Variants in PATJ observed in about 807,000 individuals in gnomAD.
The protein encoded by PATJ is PATJ crumbs cell polarity complex component, also known as inaD-like protein.
In PATJ, 190 loss-of-function variants were observed where a neutral mutation model predicts 224.9. That is an observed-to-expected ratio of 0.84 (90% CI 0.75 to 0.95). PATJ has a LOEUF of 0.95. PATJ is among the 40% of genes least tolerant of loss of function. The pLI is 0.00. For synonymous variants in PATJ, 769 were observed against 820.3 expected, an observed-to-expected ratio of 0.94 and a Z score of 1.07; for missense variants, 2,121 against 2,270.3, an observed-to-expected ratio of 0.93 and a Z score of 1.34.
chr1:61,821,056 T>C (rs1460797434), intron 14 of PATJ, among the ~76,000 whole-genome samples: 1 of 151,900 alleles, frequency 6.6e-6, no homozygotes, highest in Non-Finnish European at 1.5e-5. Context: ...TTTTTTTTTT[T>C]TTGAGGCTGA....
chr1:61,822,575 A>T lies in PATJ; in HGVS notation c.1684-370A>T, dbSNP rs1657510471. 2.0e-5 allele frequency among the ~76,000 whole-genome samples: 3 copies of T among 152,300 alleles called. No homozygotes were observed. In the South Asian group the frequency reaches 6.2e-4, roughly 32 times the overall value. ...TGCCATGGTATTTAGTGTGAGTAGA[A>T]GTTAATTAGATAATAAAGAAAAGTT... On this transcript the variant is annotated intron_variant, in intron 14 of 43. Coordinates refer to ENST00000642238, the MANE Select transcript of PATJ (RefSeq NM_001350145.3).
intron 8 of PATJ, among the ~76,000 whole-genome samples, chr1:61,790,430 T>G (rs1259153441): frequency 1.3e-5 from 2 of 151,932 alleles, no homozygotes; most frequent in Non-Finnish European, 2.9e-5. Context: ...TCATAGTTAG[T>G]TCACAGTTCT....
intron 28 of PATJ, among the ~76,000 whole-genome samples, chr1:62,001,768 C>G (rs971761060): frequency 3.9e-5 from 6 of 151,900 alleles, no homozygotes; most frequent in Non-Finnish European, 8.8e-5. Flanking sequence ...TATAAATTAC[C>G]TTAGGCAGTA....
chr1:61,790,704 G>C (rs1649666506), intron 8 of PATJ, among the ~76,000 whole-genome samples: 1 of 151,796 alleles, frequency 6.6e-6, no homozygotes, highest in African/African-American at 2.4e-5. Flanking sequence ...AGTAGAGACG[G>C]GGTTTCATCA....
rs542653322 is a variant in PATJ, at chr1:61,822,679, G to T, written c.1684-266G>T. 7.9e-5 allele frequency among the ~76,000 whole-genome samples: 12 copies of T among 152,292 alleles called. No homozygotes were observed. In the East Asian group the frequency reaches 2.3e-3, roughly 29 times the overall value. Reference sequence around the variant, plus strand: ...ACTGGGGACTACGGAAGTGTGGACTGCCTGGAGCTTAGAATTGAAGGTAAG... The same window carrying T: ...ACTGGGGACTACGGAAGTGTGGACTTCCTGGAGCTTAGAATTGAAGGTAAG... On this transcript the variant is annotated intron_variant, in intron 14 of 43. Transcript: ENST00000642238.
At position 62,086,879 on chromosome 1, in the gene PATJ, G is replaced by GTGGGGT. The variant is rs1157683423; in HGVS notation, c.4377+2232_4377+2237dup. Among the ~76,000 whole-genome samples, 1 of 152,176 alleles carries GTGGGGT rather than the reference G, an allele frequency of 6.6e-6. No homozygotes were observed. Among genetic ancestry groups the GTGGGGT allele is most frequent in the African/African-American group, 2.4e-5 (1 of 41,444 alleles). Reference sequence around the variant, plus strand: ...TTGGGTGCCGGCAGGAGCAGGCTCTGTGGGGTCCCCTCGGCCAGACCAGGT... The same window carrying GTGGGGT: ...TTGGGTGCCGGCAGGAGCAGGCTCTGTGGGGTTGGGGTCCCCTCGGCCAGACCAGGT... On this transcript the variant is annotated intron_variant, in intron 33 of 43. Coordinates refer to ENST00000642238, the MANE Select transcript of PATJ (RefSeq NM_001350145.3). This position sits in a 1 kb window ranked among gnomAD's most constrained non-coding sequence, Gnocchi z 4.0.
In PATJ at chr1:62,134,445, A is replaced by T. The variant is rs1487265534; in HGVS notation, c.5271+5500A>T. On this transcript the variant is annotated intron_variant, in intron 41 of 43. Coordinates refer to ENST00000642238, the MANE Select transcript of PATJ (RefSeq NM_001350145.3). ...GCTGCAACTTCCATCTCCCAGGTTC[A>T]AGCGATTCTCCTGCCTCAGCCTCCC... 2.7e-5 allele frequency among the ~76,000 whole-genome samples: 4 copies of T among 150,456 alleles called. No homozygotes were observed. The East Asian group carries it at 7.9e-4, about 30-fold the overall frequency.
chr1:62,036,909 G>A (rs1485845577), intron 29 of PATJ, among the ~76,000 whole-genome samples: 5 of 142,782 alleles, frequency 3.5e-5, no homozygotes, highest in Admixed American at 1.4e-4. Context: ...AAGGGAGGGA[G>A]GGAGGAAGGG....
At chr1:62,022,776 G>C (rs540340808) in intron 29 of PATJ, among the ~76,000 whole-genome samples, 16 of 152,208 alleles carry the variant, frequency 1.1e-4, no homozygotes, top group Non-Finnish European at 2.2e-4. Context: ...GAAAGATTTA[G>C]TGCTAGCTGT....
chr1:61,927,815 A>G lies in PATJ; in HGVS notation c.3656A>G (p.Asp1219Gly). Residue 1219 changes from aspartate to glycine, a missense_variant, in exon 27 of 44, where the codon GAT becomes GGT. Asp to Gly is a moderately conservative substitution (Grantham distance 94). Transcript: ENST00000642238. The stretch of plus-strand genomic sequence containing the variant: ...GACAGTGATGAAAATGAAGAAGAAG[A>G]TGCCTTTACCGACCGTGAGTGCCTT... ...TDDSDENEEE[D>G]AFTDQKIRQR... is the part of the protein sequence containing the mutation. 6.2e-7 allele frequency: 1 copy of G among 1,612,344 alleles called. No individual in the cohort carries two copies. Among genetic ancestry groups the G allele is most frequent in the African/African-American group, 1.3e-5 (1 of 74,966 alleles).
At chr1:61,812,658 G>T (rs1158993392) in intron 14 of PATJ, among the ~76,000 whole-genome samples, 1 of 151,936 alleles carries the variant, frequency 6.6e-6, no homozygotes, top group African/African-American at 2.4e-5. Flanking sequence ...AGACCAGCCT[G>T]GGCAACATGA....
chr1:61,956,600 A>G (rs540692582), intron 27 of PATJ, among the ~76,000 whole-genome samples: 3 of 152,324 alleles, frequency 2.0e-5, no homozygotes, highest in East Asian at 1.9e-4. Flanking sequence ...TGTTCGCTTG[A>G]GTATATCTCA....
At chr1:61,895,019 G>T (rs1670162984) in intron 22 of PATJ, among the ~76,000 whole-genome samples, 1 of 152,194 alleles carries the variant, frequency 6.6e-6, no homozygotes, top group Non-Finnish European at 1.5e-5. Flanking sequence ...GCAGCATTTT[G>T]CCCCTGCCTT....
chr1:62,069,570 G>A (rs1228409010), intron 31 of PATJ, among the ~76,000 whole-genome samples: 9 of 152,128 alleles, frequency 5.9e-5, no homozygotes, highest in Non-Finnish European at 1.3e-4. Context: ...GAGACAGTGC[G>A]TCAGACCAGA....
intron 1 of PATJ, among the ~76,000 whole-genome samples, chr1:61,758,166 G>T (rs1212170609): frequency 1.3e-5 from 2 of 152,126 alleles, no homozygotes; most frequent in African/African-American, 4.8e-5. Flanking sequence ...GAGGTTACAG[G>T]CAGAAGCCGC....
At chr1:61,978,239 C>G (rs942781926) in intron 27 of PATJ, among the ~76,000 whole-genome samples, 2 of 142,006 alleles carry the variant, frequency 1.4e-5, no homozygotes, top group Non-Finnish European at 3.1e-5. Context: ...CTCCCTCCCT[C>G]CCTCCCTCCT....
intron 1 of PATJ, among the ~76,000 whole-genome samples, chr1:61,754,481 A>G (rs1645508454): frequency 6.7e-6 from 1 of 149,842 alleles, no homozygotes; most frequent in Non-Finnish European, 1.5e-5. Context: ...AGCAACTGGA[A>G]CTACAGCTTT....
intron 30 of PATJ, 100 bp from the exon 31 acceptor site, chr1:62,050,866 A>C: frequency 1.2e-6 from 1 of 852,990 alleles, no homozygotes; most frequent in Non-Finnish European, 1.9e-6. Context: ...AATATCCACC[A>C]CAACCATATG....
chr1:62,059,161 A>G (rs867901495), intron 31 of PATJ, among the ~76,000 whole-genome samples: 14 of 152,168 alleles, frequency 9.2e-5, no homozygotes, highest in Admixed American at 2.6e-4. Flanking sequence ...ATGCAGATAT[A>G]GTAGCAGGAA....
Sources: gnomAD v4.1 joint callset for allele counts (sites outside exome capture counted in the v4.1 genomes callset) on GRCh38, gnomAD v4.1.1 for gene constraint, Gnocchi (gnomAD v3.1) non-coding constraint, MANE v1.5 for transcripts, NCBI Gene and HGNC (gene_info 2026-07-23, HGNC 2026-07-21) for gene names.